The following KRTAP29-1 variants were observed in gnomAD, a reference collection of about 807,000 sequenced individuals.
KRTAP29-1 encodes keratin-associated protein 29-1.
For synonymous variants in KRTAP29-1, 142 were observed against 153.6 expected (o/e 0.92, Z 0.56); for missense variants, 419 against 412.1 (o/e 1.02, Z -0.14).
rs368505822 is a variant in KRTAP29-1 at position 41,302,623 on chromosome 17, A to G, written c.229T>C (p.Cys77Arg). The G allele has an allele frequency of 1.3e-6, 2 of 1,550,664 alleles. No homozygotes were observed. Among genetic ancestry groups the G allele is most frequent in the Middle Eastern group, 1.7e-4 (1 of 5,992 alleles). The change falls in exon 1 of 1, where the codon TGT becomes CGT. Residue 77 changes from cysteine to arginine, a missense_variant. By Grantham distance (180) the Cys-to-Arg change is radical. Transcript: ENST00000391353. ...ATAGGTTGGCAAACAAAACCCACAC[A>G]AGACGTTGCTGGAAGGCGGGTAGGT... ...CQPTRLPATS[C>R]VGFVCQPMCS...
rs1392947878 is a variant in KRTAP29-1 at position 41,302,745 on chromosome 17, C to T, written c.107G>A (p.Ser36Asn). ...TTGCCACATTCTGCTGTGGCAGGAA[C>T]TAGGCAAACAGAGAGCATGTCGAAA... ...GGFRHALCLP[S>N]SCHSRMWQLV... Residue 36 changes from serine (S) to asparagine (N), a missense_variant, in exon 1 of 1, where the codon AGT (serine) becomes AAT (asparagine). Ser to Asn is a conservative substitution (Grantham distance 46, BLOSUM62 1). Transcript: ENST00000391353. 1 of 1,550,700 alleles carries T rather than the reference C, an allele frequency of 6.4e-7. No individual in the cohort carries two copies. Among genetic ancestry groups the T allele is most frequent in the Non-Finnish European group, 8.7e-7 (1 of 1,147,020 alleles).
At position 41,302,558 on chromosome 17, in the gene KRTAP29-1, C is replaced by T; in HGVS notation, c.294G>A (p.Gln98=). 1.3e-6 allele frequency: 2 copies of T among 1,550,666 alleles called. No homozygotes were observed. Among genetic ancestry groups the T allele is most frequent in the African/African-American group, 2.7e-5 (2 of 73,182 alleles). The change falls in exon 1 of 1, where the codon CAG becomes CAA. Residue 98 remains glutamine (Q), a synonymous_variant. Transcript: ENST00000391353. ...GACATGAGCTAACCAGACAAGGAGA[C>T]TGACCAGTGCCAGACTGATAGCAGG... ...HAACYQSGTG[Q]SPCLVSSCQP...
rs1299503720 is a variant in KRTAP29-1 at position 41,302,526 on chromosome 17, G to A, written c.326C>T (p.Ser109Phe). 1 of 1,550,532 alleles carries A rather than the reference G, an allele frequency of 6.4e-7. No homozygotes were observed. The highest frequency in any genetic ancestry group is 2.0e-5 in the Admixed American group (1 of 50,992). Reference sequence around the variant, plus strand: ...CTGACAACAAGTAGATTCCGAGCAGGATGGCTGACATGAGCTAACCAGACA... The same window carrying A: ...CTGACAACAAGTAGATTCCGAGCAGAATGGCTGACATGAGCTAACCAGACA... Reference protein sequence around the residue: ...SPCLVSSCQPSCSESTCCQEK... With the variant: ...SPCLVSSCQPFCSESTCCQEK... The change falls in exon 1 of 1, where the codon TCC becomes TTC. Residue 109 changes from serine to phenylalanine, a missense_variant. Coordinates refer to ENST00000391353, the MANE Select transcript of KRTAP29-1 (RefSeq NM_001257309.1).
In KRTAP29-1 at chr17:41,301,881, G is replaced by A. The variant is rs562243265; in HGVS notation, c.971C>T (p.Pro324Leu). The A allele has an allele frequency of 2.9e-5, 45 of 1,550,556 alleles. No individual in the cohort carries two copies. Among genetic ancestry groups the A allele is most frequent in the East Asian group, 7.3e-5 (3 of 40,914 alleles). ...TSPSSGSNCL[P>L]TSCQPSCESS... ...CTCACAGCTGGGTTGGCATGAAGTC[G>A]GCAAGCAATTGGAGCCACTACTGGG... Residue 324 changes from proline (P) to leucine (L), a missense_variant, in exon 1 of 1, where the codon CCG (proline) becomes CTG (leucine). By Grantham distance (98) the Pro-to-Leu change is moderately conservative. Coordinates refer to ENST00000391353, the MANE Select transcript of KRTAP29-1 (RefSeq NM_001257309.1).
chr17:41,302,014 C>T lies in KRTAP29-1; in HGVS notation c.838G>A (p.Ala280Thr). ...CCAGAAATCACAGTGTCACAAGAAG[C>T]TGGTTTGCAACAGTTCTTTGTGGAA... Reference protein sequence around the residue: ...PCSTKNCCKPASCDTVISGQP... With the variant: ...PCSTKNCCKPTSCDTVISGQP... Residue 280 changes from alanine to threonine, a missense_variant, in exon 1 of 1, where the codon GCT (alanine) becomes ACT (threonine). Ala to Thr is a moderately conservative substitution (Grantham distance 58). Transcript: ENST00000391353. 6.4e-7 allele frequency: 1 copy of T among 1,550,568 alleles called. No individual in the cohort carries two copies. The highest frequency in any genetic ancestry group is 1.2e-5 in the South Asian group (1 of 84,060).
rs1251403897 is a variant in KRTAP29-1 at position 41,302,492 on chromosome 17, G to A, written c.360C>T (p.Cys120=). The A allele has an allele frequency of 4.5e-6, 7 of 1,550,516 alleles. No individual in the cohort carries two copies. The highest frequency in any genetic ancestry group is 6.1e-6 in the Non-Finnish European group (7 of 1,146,970). ...CSESTCCQEK[C]CDASPCQQSS... is the part of the protein sequence containing the mutation. The stretch of plus-strand genomic sequence containing the variant: ...TTTGCTGGCAGGGACTGGCATCGCA[G>A]CACTTTTCCTGACAACAAGTAGATT... The change falls in exon 1 of 1, where the codon TGC becomes TGT. Residue 120 remains cysteine, a synonymous_variant. Coordinates refer to ENST00000391353, the MANE Select transcript of KRTAP29-1 (RefSeq NM_001257309.1).
chr17:41,301,836 G>A lies in KRTAP29-1; in HGVS notation c.1016C>T (p.Thr339Ile), dbSNP rs2016832106. The A allele has an allele frequency of 1.9e-6, 3 of 1,550,238 alleles. No homozygotes were observed. Among genetic ancestry groups the A allele is most frequent in the African/African-American group, 2.7e-5 (2 of 73,060 alleles). Residue 339 changes from threonine to isoleucine, a missense_variant, in exon 1 of 1, where the codon ACA becomes ATA. By Grantham distance (89) the Thr-to-Ile change is moderately conservative (BLOSUM62 -1). Coordinates refer to ENST00000391353, the MANE Select transcript of KRTAP29-1 (RefSeq NM_001257309.1). ...PSCESSFCKA[T>I]LC is the part of the protein sequence containing the mutation. ...GTGAAGAGGGCTCCATTAACAAAGT[G>A]TTGCCTTGCAGAAGCTGGACTCACA...
rs747922028 is a variant in KRTAP29-1 at position 41,302,201 on chromosome 17, T to C, written c.651A>G (p.Gln217=). The change falls in exon 1 of 1, where the codon CAA becomes CAG. Residue 217 remains glutamine, a synonymous_variant. Transcript: ENST00000391353. ...QPICYIFKPC[Q]SALYMPVPCQ... ...AGGGAACAGGCATGTAGAGGGCTGA[T>C]TGGCAAGGCTTGAAAATATAGCAGA... 3.9e-6 allele frequency: 6 copies of C among 1,550,548 alleles called. No homozygotes were observed. In the South Asian group the frequency reaches 4.8e-5, roughly 12 times the overall value.
At position 41,302,330 on chromosome 17, in the gene KRTAP29-1, G is replaced by C; in HGVS notation, c.522C>G (p.Thr174=). 9.4e-7 allele frequency: 1 copy of C among 1,064,238 alleles called. No homozygotes were observed. The highest frequency in any genetic ancestry group is 1.3e-6 in the Non-Finnish European group (1 of 767,548). 65.9% of individuals were successfully genotyped at this position (1,064,238 alleles called of 1,614,324 possible). The change falls in exon 1 of 1, where the codon ACC becomes ACG. Residue 174 remains threonine, a synonymous_variant. Coordinates refer to ENST00000391353, the MANE Select transcript of KRTAP29-1 (RefSeq NM_001257309.1). ...TSCPETSCLP[T]ICTASPCQPT... The stretch of plus-strand genomic sequence containing the variant: ...GTTGGCATGGACTAGCTGTACAGAT[G>C]GTTGGTAGGCAAGAAGTTTCCGGAC...
rs755893435 is a variant in KRTAP29-1, at chr17:41,302,326, AGATGGTTGGTAG to A, written c.514_525del (p.Leu172_Ile175del). The A allele has an allele frequency of 2.3e-5, 25 of 1,063,896 alleles. No individual in the cohort carries two copies. The highest frequency in any genetic ancestry group is 3.1e-5 in the Non-Finnish European group (24 of 767,368). 65.9% of individuals were successfully genotyped at this position (1,063,896 alleles called of 1,614,324 possible). A position where few individuals can be genotyped will look rare whatever the true frequency, so the allele number is the denominator to read the frequency against. On this transcript the variant is annotated inframe_deletion, in exon 1 of 1. Coordinates refer to ENST00000391353, the MANE Select transcript of KRTAP29-1 (RefSeq NM_001257309.1). ...GTTGGTTGGCATGGACTAGCTGTACAGATGGTTGGTAGGCAAGAAGTTTCCGGACAGGAGGTC... is the reference window on the plus strand; with the variant it reads ...GTTGGTTGGCATGGACTAGCTGTACAGCAAGAAGTTTCCGGACAGGAGGTC...
chr17:41,302,621 A>G lies in KRTAP29-1; in HGVS notation c.231T>C (p.Cys77=), dbSNP rs1003744353. The change falls in exon 1 of 1, where the codon TGT becomes TGC. Residue 77 remains cysteine (C), a synonymous_variant. Transcript: ENST00000391353. ...CQPTRLPATS[C]VGFVCQPMCS... is the part of the protein sequence containing the mutation. The stretch of plus-strand genomic sequence containing the variant: ...ACATAGGTTGGCAAACAAAACCCAC[A>G]CAAGACGTTGCTGGAAGGCGGGTAG... The G allele has an allele frequency of 1.9e-6, 3 of 1,550,670 alleles. No individual in the cohort carries two copies. The highest frequency in any genetic ancestry group is 2.6e-6 in the Non-Finnish European group (3 of 1,147,000).
At position 41,302,759 on chromosome 17, in the gene KRTAP29-1, A is replaced by G. The variant is rs1217848507; in HGVS notation, c.93T>C (p.Ala31=). 6.4e-7 allele frequency: 1 copy of G among 1,550,694 alleles called. No homozygotes were observed. The highest frequency in any genetic ancestry group is 2.0e-5 in the Admixed American group (1 of 51,008). ...TYPVKGGFRH[A]LCLPSSCHSR... Reference sequence around the variant, plus strand: ...TGTGGCAGGAACTAGGCAAACAGAGAGCATGTCGAAATCCACCTTTAACTG... The same window carrying G: ...TGTGGCAGGAACTAGGCAAACAGAGGGCATGTCGAAATCCACCTTTAACTG... Residue 31 remains alanine, a synonymous_variant, in exon 1 of 1, where the codon GCT becomes GCC. Coordinates refer to ENST00000391353, the MANE Select transcript of KRTAP29-1 (RefSeq NM_001257309.1).
rs777694414 is a variant in KRTAP29-1 at position 41,302,537 on chromosome 17, T to C, written c.315A>G (p.Ser105=). ...GTGQSPCLVS[S]CQPSCSESTC... is the part of the protein sequence containing the mutation. ...TAGATTCCGAGCAGGATGGCTGACA[T>C]GAGCTAACCAGACAAGGAGACTGAC... The change falls in exon 1 of 1, where the codon TCA becomes TCG. Residue 105 remains serine (S), a synonymous_variant. Coordinates refer to ENST00000391353, the MANE Select transcript of KRTAP29-1 (RefSeq NM_001257309.1). 79 of 1,548,480 alleles carry C rather than the reference T, an allele frequency of 5.1e-5. 1 individual carries two copies. In the South Asian group the frequency reaches 7.3e-4, roughly 14 times the overall value.
Position 41,302,038 on chromosome 17 carries a change from A to G in KRTAP29-1, c.814T>C (p.Ser272Pro). Residue 272 changes from serine (S) to proline (P), a missense_variant, in exon 1 of 1, where the codon TCC (serine) becomes CCC (proline). Transcript: ENST00000391353. ...QPVANCQAPCSTKNCCKPASC... is the reference protein window; with the variant it reads ...QPVANCQAPCPTKNCCKPASC... ...GCTGGTTTGCAACAGTTCTTTGTGG[A>G]ACAAGGGGCCTGGCAGTTAGCCACT... 6.4e-7 allele frequency: 1 copy of G among 1,550,636 alleles called. No individual in the cohort carries two copies. Among genetic ancestry groups the G allele is most frequent in the Non-Finnish European group, 8.7e-7 (1 of 1,147,010 alleles).
Position 41,302,512 on chromosome 17 carries a change from T to A in KRTAP29-1, c.340A>T (p.Thr114Ser), listed in dbSNP as rs1779108554. 1 of 1,550,428 alleles carries A rather than the reference T, an allele frequency of 6.4e-7. No individual in the cohort carries two copies. Residue 114 changes from threonine (T) to serine (S), a missense_variant, in exon 1 of 1, where the codon ACT becomes TCT. By Grantham distance (58) the Thr-to-Ser change is moderately conservative. Transcript: ENST00000391353. ...SSCQPSCSES[T>S]CCQEKCCDAS... ...TCGCAGCACTTTTCCTGACAACAAG[T>A]AGATTCCGAGCAGGATGGCTGACAT...
chr17:41,302,786 G>A lies in KRTAP29-1; in HGVS notation c.66C>T (p.Tyr22=), dbSNP rs1361169880. 6.4e-7 allele frequency: 1 copy of A among 1,550,710 alleles called. No homozygotes were observed. The highest frequency in any genetic ancestry group is 8.7e-7 in the Non-Finnish European group (1 of 1,147,040). ...AIPAVPTITT[Y]PVKGGFRHAL... ...CATGTCGAAATCCACCTTTAACTGG[G>A]TATGTGGTGATGGTGGGCACAGCTG... The change falls in exon 1 of 1, where the codon TAC becomes TAT. Residue 22 remains tyrosine (Y), a synonymous_variant. Transcript: ENST00000391353.
rs1374970577 is a variant in KRTAP29-1 at position 41,302,048 on chromosome 17, C to A, written c.804G>T (p.Gln268His). ...AACAGTTCTTTGTGGAACAAGGGGCCTGGCAGTTAGCCACTGGCTGGTAGA... is the reference window on the plus strand; with the variant it reads ...AACAGTTCTTTGTGGAACAAGGGGCATGGCAGTTAGCCACTGGCTGGTAGA... ...CFIYQPVANC[Q>H]APCSTKNCCK... Residue 268 changes from glutamine to histidine, a missense_variant, in exon 1 of 1, where the codon CAG (glutamine) becomes CAT (histidine). Gln to His is a conservative substitution (Grantham distance 24, BLOSUM62 0). Coordinates refer to ENST00000391353, the MANE Select transcript of KRTAP29-1 (RefSeq NM_001257309.1). 1 of 1,550,458 alleles carries A rather than the reference C, an allele frequency of 6.4e-7. No homozygotes were observed. Among genetic ancestry groups the A allele is most frequent in the South Asian group, 1.2e-5 (1 of 84,060 alleles).
Position 41,302,302 on chromosome 17 carries a change from T to C in KRTAP29-1, c.550A>G (p.Thr184Ala), listed in dbSNP as rs1468262078. 1.3e-6 allele frequency: 2 copies of C among 1,550,436 alleles called. No homozygotes were observed. The highest frequency in any genetic ancestry group is 1.7e-6 in the Non-Finnish European group (2 of 1,146,924). The change falls in exon 1 of 1, where the codon ACT becomes GCT. Residue 184 changes from threonine (T) to alanine (A), a missense_variant. Thr to Ala is a moderately conservative substitution (Grantham distance 58). Transcript: ENST00000391353. ...TICTASPCQP[T>A]WCQGSSCQPV... Reference sequence around the variant, plus strand: ...TGACATGAACTTCCTTGGCACCAAGTTGGTTGGCATGGACTAGCTGTACAG... The same window carrying C: ...TGACATGAACTTCCTTGGCACCAAGCTGGTTGGCATGGACTAGCTGTACAG...
At position 41,301,977 on chromosome 17, in the gene KRTAP29-1, C is replaced by A. The variant is rs1223767482; in HGVS notation, c.875G>T (p.Cys292Phe). Reference protein sequence around the residue: ...CDTVISGQPTCDGPPSYNQSG... With the variant: ...CDTVISGQPTFDGPPSYNQSG... The stretch of plus-strand genomic sequence containing the variant: ...CTGGTTATAGGAAGGGGGTCCATCA[C>A]AAGTTGGTTGGCCAGAAATCACAGT... Residue 292 changes from cysteine (C) to phenylalanine (F), a missense_variant, in exon 1 of 1, where the codon TGT becomes TTT. Coordinates refer to ENST00000391353, the MANE Select transcript of KRTAP29-1 (RefSeq NM_001257309.1). 2 of 1,550,442 alleles carry A rather than the reference C, an allele frequency of 1.3e-6. No homozygotes were observed. Among genetic ancestry groups the A allele is most frequent in the Non-Finnish European group, 1.7e-6 (2 of 1,147,000 alleles).
Sources: gnomAD v4.1 joint callset for allele counts on GRCh38, gnomAD v4.1.1 for gene constraint, MANE v1.5 for transcripts, NCBI Gene and HGNC (gene_info 2026-07-23, HGNC 2026-07-21) for gene names.